Variants in PIP4K2A observed in about 807,000 individuals in gnomAD.
PIP4K2A encodes the protein phosphatidylinositol 5-phosphate 4-kinase type-2 alpha.
PIP4K2A carries 14 observed loss-of-function variants against 42.9 expected under a neutral mutation model. The ratio of observed to expected loss-of-function variants is 0.33; its 90% confidence interval spans 0.22 to 0.51. PIP4K2A has a LOEUF of 0.51. Among genes scored for constraint, PIP4K2A ranks in the 20% least tolerant of loss-of-function variants. The pLI is 0.97. For missense variants in PIP4K2A, 434 were observed against 519.8 expected, an observed-to-expected ratio of 0.83 and a Z score of 1.61; for synonymous variants, 192 against 192.2, an observed-to-expected ratio of 1.00 and a Z score of 0.01.
chr10:22,594,686 C>T (rs1837592987), intron 3 of PIP4K2A, among the ~76,000 whole-genome samples: 1 of 152,232 alleles, frequency 6.6e-6, no homozygotes, highest in Non-Finnish European at 1.5e-5. Flanking sequence ...AGGCATGAGC[C>T]ACCATGCCCA....
intron 1 of PIP4K2A, among the ~76,000 whole-genome samples, chr10:22,653,417 T>C (rs1839033285): frequency 6.6e-6 from 1 of 152,222 alleles, no homozygotes; most frequent in Non-Finnish European, 1.5e-5. Context: ...AACATCTCTT[T>C]GTCTTCCTGA....
At chr10:22,671,341 G>C (rs1564462705) in intron 1 of PIP4K2A, among the ~76,000 whole-genome samples, 1 of 152,186 alleles carries the variant, frequency 6.6e-6, no homozygotes, top group Non-Finnish European at 1.5e-5. Context: ...AGTCTCTTCT[G>C]GGTGGAGAGA....
At chr10:22,656,186 C>T (rs1173783232) in intron 1 of PIP4K2A, among the ~76,000 whole-genome samples, 3 of 152,318 alleles carry the variant, frequency 2.0e-5, no homozygotes, top group East Asian at 1.9e-4. Flanking sequence ...TTCTGACTCC[C>T]GTGTGAGGGA....
chr10:22,546,944 C>T (rs900935483), intron 7 of PIP4K2A, among the ~76,000 whole-genome samples: 1 of 152,052 alleles, frequency 6.6e-6, no homozygotes, highest in African/African-American at 2.4e-5. Flanking sequence ...TATTTAGGTC[C>T]CCTGCTTTTC....
chr10:22,603,752 G>A (rs1837846276), intron 3 of PIP4K2A, among the ~76,000 whole-genome samples: 1 of 152,138 alleles, frequency 6.6e-6, no homozygotes, highest in Admixed American at 6.5e-5. Context: ...AGGGGGCAGT[G>A]GTAATGGTAG....
At chr10:22,560,326 G>A (rs1470265848) in intron 6 of PIP4K2A, among the ~76,000 whole-genome samples, 3 of 152,174 alleles carry the variant, frequency 2.0e-5, no homozygotes, top group African/African-American at 2.4e-5. Flanking sequence ...TTTGTGTCAC[G>A]TTTGGGGAGC....
chr10:22,694,477 G>A (rs1318920550), intron 1 of PIP4K2A: 1 of 152,182 alleles, frequency 6.6e-6, no homozygotes, highest in Non-Finnish European at 1.5e-5. Context: ...CCATACAGAG[G>A]TGTTCCAGTT....
intron 3 of PIP4K2A, among the ~76,000 whole-genome samples, chr10:22,597,085 C>T (rs937468908): frequency 7.9e-5 from 12 of 152,188 alleles, no homozygotes; most frequent in Admixed American, 6.5e-4. Context: ...TAATGCAGTC[C>T]GGAGTCTGTT....
intron 5 of PIP4K2A, chr10:22,569,017 G>C: frequency 6.5e-7 from 1 of 1,534,482 alleles, no homozygotes; most frequent in Non-Finnish European, 8.7e-7. Flanking sequence ...ACTTACAGTT[G>C]GCTTGGGAAA....
chr10:22,588,688 C>T (rs193210994), intron 4 of PIP4K2A, among the ~76,000 whole-genome samples: 1 of 152,272 alleles, frequency 6.6e-6, no homozygotes, highest in African/African-American at 2.4e-5. Flanking sequence ...CAGAGATCAT[C>T]CAAGAGGCAG....
intron 1 of PIP4K2A, among the ~76,000 whole-genome samples, chr10:22,621,893 A>G (rs1318645406): frequency 6.6e-6 from 1 of 152,198 alleles, no homozygotes; most frequent in Non-Finnish European, 1.5e-5. Flanking sequence ...TTCCATGACC[A>G]CAACAGAGGG....
chr10:22,579,737 C>T (rs534745704), intron 4 of PIP4K2A, among the ~76,000 whole-genome samples: 22 of 151,988 alleles, frequency 1.4e-4, no homozygotes, highest in African/African-American at 5.1e-4. Context: ...AGTGAAACCC[C>T]GCCTCTACTA....
intron 1 of PIP4K2A, among the ~76,000 whole-genome samples, chr10:22,667,946 CAGAGAGAG>C (rs1839381394): frequency 1.3e-5 from 1 of 76,056 alleles, no homozygotes. Flanking sequence ...GACAGAGAGA[CAGAGAGAG>C]AGACAGACAG....
chr10:22,664,142 C>CATATATATATATACATATATATATACAT (rs1554807247), intron 1 of PIP4K2A, among the ~76,000 whole-genome samples: 28 of 27,954 alleles, frequency 1.0e-3, no homozygotes, highest in South Asian at 9.1e-4. Context: ...TATATATATA[C>CATATATATATATACATATATATATACAT]ATATATATAC....
chr10:22,696,794 C>T (rs996445862), intron 1 of PIP4K2A, among the ~76,000 whole-genome samples: 1 of 151,948 alleles, frequency 6.6e-6, no homozygotes, highest in Admixed American at 6.5e-5. Context: ...GGTAATCATC[C>T]AAGTTAAATA....
chr10:22,535,836 C>A lies in PIP4K2A; in HGVS notation c.*1365G>T, dbSNP rs12265213. The A allele has an allele frequency of 3.5e-3, 1,115 of 317,992 alleles. 8 individuals are homozygous for A. Among genetic ancestry groups the A allele is most frequent in the African/African-American group, 0.022 (1,034 of 47,204 alleles). 19.7% of individuals were successfully genotyped at this position (317,992 alleles called of 1,614,324 possible). ...TGAACTTTCATAAACCAGACTGGGG[C>A]GAAATCTCTTTTTAAAAAAATCAAT... On this transcript the variant is annotated 3_prime_UTR_variant, in exon 10 of 10. Transcript: ENST00000376573.
intron 1 of PIP4K2A, among the ~76,000 whole-genome samples, chr10:22,712,373 G>T (rs1383087613): frequency 1.3e-5 from 2 of 152,074 alleles, no homozygotes; most frequent in Admixed American, 1.3e-4. Flanking sequence ...GCAGCATATT[G>T]TTGACACTAC....
At chr10:22,681,644 T>C (rs979983712) in intron 1 of PIP4K2A, among the ~76,000 whole-genome samples, 51 of 152,114 alleles carry the variant, frequency 3.4e-4, no homozygotes, top group African/African-American at 1.2e-3. Flanking sequence ...CACTGTACTC[T>C]AGCCTGTGTG....
intron 1 of PIP4K2A, among the ~76,000 whole-genome samples, chr10:22,698,096 T>C (rs998517520): frequency 6.6e-6 from 1 of 152,114 alleles, no homozygotes; most frequent in Non-Finnish European, 1.5e-5. Context: ...AGTGGGTCAG[T>C]TGAAAGCAGC....
Sources: allele counts gnomAD v4.1 joint callset (sites outside exome capture counted in the v4.1 genomes callset), GRCh38; gene constraint gnomAD v4.1.1; transcripts MANE v1.5; gene names NCBI Gene and HGNC (gene_info 2026-07-23, HGNC 2026-07-21).